Variants in ENDOD1 observed in about 807,000 individuals in gnomAD.
ENDOD1 encodes the protein endonuclease domain-containing 1 protein.
A neutral mutation model predicts 6.5 loss-of-function variants in ENDOD1; 9 were observed. That is an observed-to-expected ratio of 1.39 (90% CI 0.84 to 2.43). ENDOD1 has a LOEUF of 2.43. Among genes scored for constraint, ENDOD1 ranks in the 30% most tolerant of loss-of-function variants. The pLI is 0.00. For missense variants in ENDOD1, 648 were observed against 635.5 expected, an observed-to-expected ratio of 1.02 and a Z score of -0.21; for synonymous variants, 255 against 255.2, an observed-to-expected ratio of 1.00 and a Z score of 0.01.
chr11:95,110,991 G>A (rs1555111876), intron 1 of ENDOD1, among the ~76,000 whole-genome samples: 1 of 152,218 alleles, frequency 6.6e-6, no homozygotes, highest in Non-Finnish European at 1.5e-5. Flanking sequence ...CTCTAGAGAA[G>A]TTGAGAAAAG....
chr11:95,099,340 A>T (rs1859015456), intron 1 of ENDOD1, among the ~76,000 whole-genome samples: 1 of 152,172 alleles, frequency 6.6e-6, no homozygotes, highest in Admixed American at 6.5e-5. Flanking sequence ...GCGTATGGAG[A>T]CATTGCTGCC....
rs570275534 is a variant in ENDOD1, at chr11:95,091,243, T to C, written c.300+1016T>C. ...AAGAACTGACCCAACGCTCTCCCTT[T>C]CCTGACGGCCACAGCTGCCCAGGAC... On this transcript the variant is annotated intron_variant, in intron 1 of 1. Coordinates refer to ENST00000278505, the MANE Select transcript of ENDOD1 (RefSeq NM_015036.3). 7.9e-5 allele frequency among the ~76,000 whole-genome samples: 12 copies of C among 152,286 alleles called. No individual in the cohort carries two copies. In the East Asian group the frequency reaches 1.9e-3, roughly 24 times the overall value.
chr11:95,104,691 G>A (rs1389311034), intron 1 of ENDOD1, among the ~76,000 whole-genome samples: 20 of 152,162 alleles, frequency 1.3e-4, no homozygotes, highest in African/African-American at 4.6e-4. Flanking sequence ...AGATATCACA[G>A]GTAGATTCAC....
intron 1 of ENDOD1, among the ~76,000 whole-genome samples, chr11:95,108,653 G>A (rs1338638879): frequency 1.3e-5 from 2 of 152,062 alleles, no homozygotes; most frequent in Non-Finnish European, 1.5e-5. Flanking sequence ...CCTGAAATGG[G>A]TGGGTTGGCA....
chr11:95,129,126 G>A lies in ENDOD1; in HGVS notation c.1050G>A (p.Val350=). 6.2e-7 allele frequency: 1 copy of A among 1,614,048 alleles called. No homozygotes were observed. The change falls in exon 2 of 2, where the codon GTG becomes GTA. Residue 350 remains valine (V), a synonymous_variant. Transcript: ENST00000278505. ...TTTTTCAATTAATTTATTACCTTGT[G>A]GTAGCAATCCTGAAGAACATTGTCT... ...IKLFQLIYYL[V]VAILKNIVYF...
In ENDOD1 at chr11:95,129,181, A is replaced by AT. The variant is rs1250491109; in HGVS notation, c.1107dup (p.Asn370Ter). ...CCTGTGGTGTGTTACCAAGCAGGTGATTAATGGCATAGAAAGTTGCCTTTA... is the reference window on the plus strand; with the variant it reads ...CCTGTGGTGTGTTACCAAGCAGGTGATTTAATGGCATAGAAAGTTGCCTTTA... On this transcript the variant is annotated frameshift_variant, in exon 2 of 2. Coordinates refer to ENST00000278505, the MANE Select transcript of ENDOD1 (RefSeq NM_015036.3). LOFTEE classifies it low-confidence loss of function (END_TRUNC). The AT allele has an allele frequency of 6.2e-7, 1 of 1,614,180 alleles. No individual in the cohort carries two copies. The highest frequency in any genetic ancestry group is 1.7e-5 in the Admixed American group (1 of 60,030).
rs189642924 is a variant in ENDOD1 at position 95,118,976 on chromosome 11, A to G, written c.301-9401A>G. Among the ~76,000 whole-genome samples, 553 of 152,308 alleles carry G rather than the reference A, an allele frequency of 3.6e-3. 9 individuals carry two copies. Among genetic ancestry groups the G allele is most frequent in the East Asian group, 0.026 (134 of 5,188 alleles). ...CTCTGATGCATTCTTCAGTATGTCAATTGCATTTTTCAGCTCCAGAATTCC... is the reference window on the plus strand; with the variant it reads ...CTCTGATGCATTCTTCAGTATGTCAGTTGCATTTTTCAGCTCCAGAATTCC... On this transcript the variant is annotated intron_variant, in intron 1 of 1. Transcript: ENST00000278505.
At chr11:95,103,631 C>T (rs1181799777) in intron 1 of ENDOD1, among the ~76,000 whole-genome samples, 1 of 152,208 alleles carries the variant, frequency 6.6e-6, no homozygotes, top group Non-Finnish European at 1.5e-5. Context: ...AAGGATTAAA[C>T]ATGCAGAGTG....
chr11:95,104,573 G>C (rs1859072175), intron 1 of ENDOD1, among the ~76,000 whole-genome samples: 1 of 152,110 alleles, frequency 6.6e-6, no homozygotes, highest in South Asian at 2.1e-4. Context: ...TCCCTCAAAG[G>C]CCTTACTGGG....
At chr11:95,111,034 T>A (rs1344945397) in intron 1 of ENDOD1, among the ~76,000 whole-genome samples, 1 of 151,590 alleles carries the variant, frequency 6.6e-6, no homozygotes, top group Non-Finnish European at 1.5e-5. Flanking sequence ...AGAAAAGGAG[T>A]GGAGGAGGCC....
At chr11:95,121,168 G>A (rs1859259299) in intron 1 of ENDOD1, among the ~76,000 whole-genome samples, 2 of 152,146 alleles carry the variant, frequency 1.3e-5, no homozygotes. Context: ...TCTTATGAAG[G>A]TAGTTTTTTG....
intron 1 of ENDOD1, among the ~76,000 whole-genome samples, chr11:95,114,411 A>G (rs890665588): frequency 6.6e-6 from 1 of 152,194 alleles, no homozygotes; most frequent in Non-Finnish European, 1.5e-5. Flanking sequence ...ATCCCTTGTC[A>G]TATGGGTAGT....
chr11:95,123,293 A>C (rs1180563286), intron 1 of ENDOD1, among the ~76,000 whole-genome samples: 2 of 147,510 alleles, frequency 1.4e-5, no homozygotes, highest in Non-Finnish European at 3.0e-5. Flanking sequence ...TTTTTTTTTG[A>C]CAACTCCAAG....
In ENDOD1 at chr11:95,103,352, T is replaced by A. The variant is rs544564933; in HGVS notation, c.300+13125T>A. Among the ~76,000 whole-genome samples, 11 of 152,328 alleles carry A rather than the reference T, an allele frequency of 7.2e-5. No homozygotes were observed. The East Asian group carries it at 1.9e-3, about 27-fold the overall frequency. On this transcript the variant is annotated intron_variant, in intron 1 of 1. Transcript: ENST00000278505. ...TTTTTATTTATTTATTCATTCCTGG[T>A]CAGCAGCTCTAGACTCATAGTGTTG... is the stretch of plus-strand genomic sequence containing the variant.
At chr11:95,122,179 A>G (rs1859268096) in intron 1 of ENDOD1, among the ~76,000 whole-genome samples, 1 of 146,276 alleles carries the variant, frequency 6.8e-6, no homozygotes, top group African/African-American at 2.8e-5. Flanking sequence ...AGAATATACT[A>G]AGACTATTTT....
At chr11:95,117,674 A>G (rs1007049223) in intron 1 of ENDOD1, among the ~76,000 whole-genome samples, 19 of 152,270 alleles carry the variant, frequency 1.2e-4, no homozygotes, top group African/African-American at 4.1e-4. Context: ...GCATGTTTCT[A>G]GTAGGCAGCT....
chr11:95,096,511 G>A (rs1555110350), intron 1 of ENDOD1, among the ~76,000 whole-genome samples: 1 of 151,776 alleles, frequency 6.6e-6, no homozygotes, highest in Non-Finnish European at 1.5e-5. Context: ...TCAAACAGAG[G>A]GTAGTTTATA....
chr11:95,129,465 C>T lies in ENDOD1; in HGVS notation c.1389C>T (p.Val463=), dbSNP rs1413873619. 1 of 1,614,216 alleles carries T rather than the reference C, an allele frequency of 6.2e-7. No individual in the cohort carries two copies. Among genetic ancestry groups the T allele is most frequent in the African/African-American group, 1.3e-5 (1 of 75,050 alleles). The change falls in exon 2 of 2, where the codon GTC becomes GTT. Residue 463 remains valine (V), a synonymous_variant. Transcript: ENST00000278505. The stretch of plus-strand genomic sequence containing the variant: ...TTGCACTGGGCCTTGGTGGCACTGT[C>T]TCACTGCTCTTTGACACTGCTTTTG... ...KDIALGLGGT[V]SLLFDTAFGT... is the part of the protein sequence containing the mutation.
chr11:95,110,579 A>ATG (rs1555111812), intron 1 of ENDOD1, among the ~76,000 whole-genome samples: 4 of 135,148 alleles, frequency 3.0e-5, no homozygotes, highest in Non-Finnish European at 5.0e-5. Context: ...AAGTCCGTGT[A>ATG]TGTATGTGTG....
Sources: gnomAD v4.1 joint callset for allele counts (sites outside exome capture counted in the v4.1 genomes callset) on GRCh38, gnomAD v4.1.1 for gene constraint, MANE v1.5 for transcripts, NCBI Gene and HGNC (gene_info 2026-07-23, HGNC 2026-07-21) for gene names.